MAGI1: variants seen among roughly 807,000 people sequenced by gnomAD.
MAGI1 encodes membrane-associated guanylate kinase, WW and PDZ domain-containing protein 1.
A neutral mutation model predicts 139.9 loss-of-function variants in MAGI1; 58 were observed. That is an observed-to-expected ratio of 0.41 (90% CI 0.34 to 0.52). The LOEUF (loss-of-function observed/expected upper bound fraction) is 0.52. Among genes scored for constraint, MAGI1 ranks in the 20% least tolerant of loss-of-function variants. The pLI, the probability that MAGI1 is intolerant of heterozygous loss-of-function variation, is 0.12. For missense variants in MAGI1, 1,874 were observed against 1,901.6 expected (o/e 0.99, Z 0.27); for synonymous variants, 812 against 737.9 (o/e 1.10, Z -1.63).
chr3:65,582,073 C>T (rs770688899), intron 2 of MAGI1, among the ~76,000 whole-genome samples: 1 of 152,186 alleles, frequency 6.6e-6, no homozygotes, highest in Non-Finnish European at 1.5e-5. Flanking sequence ...GGTTGGCCTA[C>T]ATAATCCCCC....
At chr3:66,015,854 G>A (rs2067610085) in intron 1 of MAGI1, among the ~76,000 whole-genome samples, 1 of 152,132 alleles carries the variant, frequency 6.6e-6, no homozygotes, top group African/African-American at 2.4e-5. Flanking sequence ...GAACACTAAA[G>A]ACTCAGGGAT....
intron 1 of MAGI1, among the ~76,000 whole-genome samples, chr3:65,624,485 AAC>A (rs1466157208): frequency 1.3e-5 from 2 of 152,244 alleles, no homozygotes; most frequent in Non-Finnish European, 2.9e-5. Context: ...ATGAATCTCA[AAC>A]ACAGAATGTT....
At chr3:66,026,077 TTAAC>T (rs1349022011) in intron 1 of MAGI1, among the ~76,000 whole-genome samples, 1 of 152,034 alleles carries the variant, frequency 6.6e-6, no homozygotes, top group Admixed American at 6.6e-5. Flanking sequence ...TTCTGAATTC[TTAAC>T]TAACTCACAC....
intron 2 of MAGI1, among the ~76,000 whole-genome samples, chr3:65,538,192 C>G (rs2079046962): frequency 6.6e-6 from 1 of 152,200 alleles, no homozygotes; most frequent in Non-Finnish European, 1.5e-5. Flanking sequence ...ACAACACCCT[C>G]TGCCTTTTCC....
At chr3:65,712,133 G>C (rs540725112) in intron 1 of MAGI1, among the ~76,000 whole-genome samples, 1 of 152,142 alleles carries the variant, frequency 6.6e-6, no homozygotes, top group African/African-American at 2.4e-5. Flanking sequence ...TGAAAGGTAG[G>C]GTCCATGTGC....
At chr3:65,688,132 G>A (rs902452207) in intron 1 of MAGI1, 5 of 765,478 alleles carry the variant, frequency 6.5e-6, no homozygotes, top group Non-Finnish European at 1.2e-5. Context: ...CTAGGTGCAG[G>A]ACTGTTCCTG....
intron 1 of MAGI1, among the ~76,000 whole-genome samples, chr3:65,998,805 C>T (rs1405234430): frequency 6.6e-6 from 1 of 152,126 alleles, no homozygotes; most frequent in South Asian, 2.1e-4. Context: ...TGCAAAAAGC[C>T]TTGAAGCTCA....
chr3:65,673,004 G>A (rs990988523), intron 1 of MAGI1, among the ~76,000 whole-genome samples: 1 of 152,044 alleles, frequency 6.6e-6, no homozygotes, highest in African/African-American at 2.4e-5. Flanking sequence ...TTCTGCGAAG[G>A]TGAGTATTAA....
intron 1 of MAGI1, among the ~76,000 whole-genome samples, chr3:65,891,252 G>C (rs1277979730): frequency 6.7e-6 from 1 of 149,750 alleles, no homozygotes; most frequent in Non-Finnish European, 1.5e-5. Flanking sequence ...CCAATAACAA[G>C]AAGAAAAAAA....
chr3:65,921,049 A>C (rs561566131), intron 1 of MAGI1, among the ~76,000 whole-genome samples: 1 of 151,858 alleles, frequency 6.6e-6, no homozygotes. Context: ...AACAAAATGG[A>C]ATTGGGCTGC....
intron 12 of MAGI1, among the ~76,000 whole-genome samples, chr3:65,421,730 T>C (rs2107280261): frequency 6.6e-6 from 1 of 152,290 alleles, no homozygotes; most frequent in South Asian, 2.1e-4. Context: ...CCCAGCCAGG[T>C]GGAGGTCCTG....
chr3:65,599,130 T>A (rs914530804), intron 2 of MAGI1, among the ~76,000 whole-genome samples: 8 of 151,454 alleles, frequency 5.3e-5, no homozygotes, highest in Non-Finnish European at 1.2e-4. Context: ...GCCAAGAAAA[T>A]AGGGCAAGAG....
intron 1 of MAGI1, among the ~76,000 whole-genome samples, chr3:65,843,174 T>C (rs1495449): frequency 0.47 from 70,767 of 152,046 alleles, 17,900 homozygotes; most frequent in East Asian, 0.76. Context: ...TATAAAAAGA[T>C]TGTCTTCTGT....
At position 65,466,521 on chromosome 3, in the gene MAGI1, T is replaced by C. The variant is rs1046947026; in HGVS notation, c.959+3762A>G. Among the ~76,000 whole-genome samples the C allele has an allele frequency of 6.6e-5, 10 of 152,264 alleles. No homozygotes were observed. The South Asian group carries it at 1.9e-3, about 28-fold the overall frequency. On this transcript the variant is annotated intron_variant, in intron 5 of 22. Transcript: ENST00000402939. ...GCTTGAGCTCCCCACCAGGCCTTTG[T>C]TGATACCAGCTAGGCTGGGAGGGGT...
intron 2 of MAGI1, among the ~76,000 whole-genome samples, chr3:65,589,804 A>G (rs2081877096): frequency 6.7e-6 from 1 of 150,210 alleles, no homozygotes; most frequent in Admixed American, 6.7e-5. Flanking sequence ...TACTTGAATG[A>G]CCCTTGCTTT....
chr3:65,443,308 T>A (rs1308524204), intron 7 of MAGI1, among the ~76,000 whole-genome samples: 2 of 152,216 alleles, frequency 1.3e-5, no homozygotes, highest in African/African-American at 4.8e-5. Flanking sequence ...CTGCATGTTA[T>A]CTTCTCCTTG....
chr3:65,483,725 C>A (rs1365590634), intron 3 of MAGI1, among the ~76,000 whole-genome samples: 1 of 152,136 alleles, frequency 6.6e-6, no homozygotes, highest in African/African-American at 2.4e-5. Flanking sequence ...ACTGGTTCTA[C>A]AACAAATCTC....
At chr3:65,451,259 C>T (rs929936921) in intron 6 of MAGI1, among the ~76,000 whole-genome samples, 2 of 152,134 alleles carry the variant, frequency 1.3e-5, no homozygotes, top group African/African-American at 2.4e-5. Flanking sequence ...ATTGTATTAA[C>T]AAGCATTTTC....
At chr3:65,844,298 T>C in intron 1 of MAGI1, 1 of 350,550 alleles carries the variant, frequency 2.9e-6, no homozygotes, top group South Asian at 2.4e-5. Context: ...CACGGTCAGA[T>C]TAACTGATAC....
Sources: allele counts gnomAD v4.1 joint callset (sites outside exome capture counted in the v4.1 genomes callset), GRCh38; gene constraint gnomAD v4.1.1; transcripts MANE v1.5; gene names NCBI Gene and HGNC (gene_info 2026-07-23, HGNC 2026-07-21).